The following CYFIP1 variants were observed in gnomAD, a reference collection of about 807,000 sequenced individuals.
The protein encoded by CYFIP1 is cytoplasmic FMR1-interacting protein 1.
In CYFIP1, 58 loss-of-function variants were observed where a neutral mutation model predicts 163.5. The observed-to-expected ratio is 0.35, with a 90% CI of 0.29 to 0.44. The LOEUF is 0.44. CYFIP1 is among the 20% of genes least tolerant of loss of function. CYFIP1 has a pLI of 1.00. For synonymous variants in CYFIP1, 663 were observed against 660.7 expected (o/e 1.00, Z -0.05); for missense variants, 1,338 against 1,653.8 (o/e 0.81, Z 3.31).
intron 22 of CYFIP1, among the ~76,000 whole-genome samples, chr15:22,893,690 GCA>G (rs2141958122): frequency 6.6e-6 from 1 of 152,292 alleles, no homozygotes; most frequent in African/African-American, 2.4e-5. Context: ...AGGACGTGCT[GCA>G]CAGAGGAGCA....
At chr15:22,939,628 T>C in intron 6 of CYFIP1, 121 bp from the exon 7 acceptor site, 1 of 808,298 alleles carries the variant, frequency 1.2e-6, no homozygotes, top group South Asian at 1.9e-5. Flanking sequence ...TCTGCAGAAA[T>C]GTGGGTCAAT....
chr15:22,912,099 T>C, intron 18 of CYFIP1, 80 bp downstream of exon 18: 1 of 1,286,460 alleles, frequency 7.8e-7, no homozygotes, highest in Non-Finnish European at 1.1e-6. Flanking sequence ...TAAAGAAAGT[T>C]GAATACTTGG....
At position 22,903,370 on chromosome 15, in the gene CYFIP1, C is replaced by T. The variant is rs184161426; in HGVS notation, c.2588+336G>A. ...CACATCACTTCATGCTGTCCATGGG[C>T]GGTGGGTGGGAGGGTGGCTTCCCCA... On this transcript the variant is annotated intron_variant, in intron 22 of 30. Coordinates refer to ENST00000617928, the MANE Select transcript of CYFIP1 (RefSeq NM_014608.6). Among the ~76,000 whole-genome samples the T allele has an allele frequency of 7.7e-5, 11 of 143,582 alleles. No individual in the cohort carries two copies. The South Asian group carries it at 1.0e-3, about 13-fold the overall frequency. 94.2% of individuals were successfully genotyped at this position (143,582 alleles called of 152,430 possible).
At position 22,874,191 on chromosome 15, in the gene CYFIP1, A is replaced by G. The variant is rs189698222; in HGVS notation, c.3210+359T>C. On this transcript the variant is annotated intron_variant, in intron 28 of 30. Coordinates refer to ENST00000617928, the MANE Select transcript of CYFIP1 (RefSeq NM_014608.6). ...TGAGAAACCCTGACTTAGCATAAGC[A>G]GCTGGATCACTGTAGAACTCTACCC... 7.9e-5 allele frequency among the ~76,000 whole-genome samples: 12 copies of G among 152,346 alleles called. No homozygotes were observed. In the East Asian group the frequency reaches 2.1e-3, roughly 27 times the overall value.
chr15:22,881,367 G>A (rs1473860300), intron 25 of CYFIP1, among the ~76,000 whole-genome samples: 7 of 152,230 alleles, frequency 4.6e-5, no homozygotes, highest in Non-Finnish European at 1.5e-5. Context: ...GATCACTAAA[G>A]CTATTTATTT....
chr15:22,881,913 G>A lies in CYFIP1; in HGVS notation c.2844C>T (p.Tyr948=), dbSNP rs142271563. Residue 948 remains tyrosine, a synonymous_variant, in exon 25 of 31, where the codon TAC becomes TAT. Coordinates refer to ENST00000617928, the MANE Select transcript of CYFIP1 (RefSeq NM_014608.6). ...KSLLQGTILQ[Y]VKTLMEVMPK... ...GCATCACCTCCATCAGCGTCTTCAC[G>A]TACTGCAGGATTGTGCCTTGCAGCT... 1.9e-5 allele frequency: 30 copies of A among 1,612,396 alleles called. No homozygotes were observed. Among genetic ancestry groups the A allele is most frequent in the African/African-American group, 1.1e-4 (8 of 74,922 alleles).
chr15:22,976,461 T>G (rs1951990928), intron 1 of CYFIP1, among the ~76,000 whole-genome samples: 1 of 151,808 alleles, frequency 6.6e-6, no homozygotes, highest in South Asian at 2.1e-4. Flanking sequence ...CAGCCAAATT[T>G]AACTTTCTAA....
chr15:22,957,396 G>C (rs1381688705), intron 1 of CYFIP1, among the ~76,000 whole-genome samples: 2 of 152,140 alleles, frequency 1.3e-5, no homozygotes, highest in Non-Finnish European at 2.9e-5. Context: ...CAGCACTTTG[G>C]GAGGCCGAGG....
At chr15:22,938,363 C>T (rs754091829) in intron 8 of CYFIP1, among the ~76,000 whole-genome samples, 2 of 151,996 alleles carry the variant, frequency 1.3e-5, no homozygotes, top group African/African-American at 4.8e-5. Flanking sequence ...TAGCACTTTG[C>T]GGGGGACAAG....
Position 22,870,066 on chromosome 15 carries a change from A to G in CYFIP1, c.3724T>C (p.Phe1242Leu). The part of the protein sequence containing the change: ...EGTPVEHVRC[F>L]QPPIHQSLAS... Reference sequence around the variant, plus strand: ...AGGGACTGGTGGATGGGCGGCTGGAAGCAGCGCACATGCTCCACTGGCGTG... The same window carrying G: ...AGGGACTGGTGGATGGGCGGCTGGAGGCAGCGCACATGCTCCACTGGCGTG... Residue 1242 changes from phenylalanine to leucine, a missense_variant, in exon 31 of 31, where the codon TTC becomes CTC. Around this residue, in one of 4 missense-constraint regions of CYFIP1, gnomAD observed 306 missense variants for 322.1 expected, o/e 0.95. Coordinates refer to ENST00000617928, the MANE Select transcript of CYFIP1 (RefSeq NM_014608.6). The G allele has an allele frequency of 6.2e-7, 1 of 1,610,740 alleles. No individual in the cohort carries two copies.
chr15:22,872,939 G>A lies in CYFIP1; in HGVS notation c.3483C>T (p.Gly1161=). Residue 1161 remains glycine (G), a synonymous_variant, in exon 30 of 31, where the codon GGC becomes GGT. Coordinates refer to ENST00000617928, the MANE Select transcript of CYFIP1 (RefSeq NM_014608.6). ...GCCCAAGAAGTACGATGATCATACA[G>A]CCAGCCCAGTGTAGCCCATCACCAA... ...QCFGDGLHWA[G]CMIIVLLGQQ... is the part of the protein sequence containing the mutation. 1 of 1,614,062 alleles carries A rather than the reference G, an allele frequency of 6.2e-7. No homozygotes were observed. Among genetic ancestry groups the A allele is most frequent in the South Asian group, 1.1e-5 (1 of 91,082 alleles).
At chr15:22,875,065 C>T in intron 27 of CYFIP1, 134 bp downstream of exon 27, 1 of 757,266 alleles carries the variant, frequency 1.3e-6, no homozygotes, top group Non-Finnish European at 2.3e-6. Context: ...GTACACTCCT[C>T]ATTACCCCTG....
intron 1 of CYFIP1, among the ~76,000 whole-genome samples, chr15:22,961,742 C>G (rs2062688829): frequency 6.6e-6 from 1 of 151,988 alleles, no homozygotes; most frequent in African/African-American, 2.4e-5. Flanking sequence ...TTTTAAAATC[C>G]TTGGAATCTT....
chr15:22,894,908 T>G (rs1185383522), intron 22 of CYFIP1, among the ~76,000 whole-genome samples: 1 of 147,488 alleles, frequency 6.8e-6, no homozygotes, highest in Admixed American at 6.8e-5. Context: ...CACACTGGAG[T>G]GCAGTGGTGT....
At chr15:22,935,356 T>A (rs549394503) in intron 9 of CYFIP1, among the ~76,000 whole-genome samples, 39 of 152,258 alleles carry the variant, frequency 2.6e-4, no homozygotes, top group African/African-American at 9.4e-4. Context: ...CAGGCCCAAC[T>A]GGGAAGCCAT....
rs763165196 is a variant in CYFIP1, at chr15:22,870,009, C to CG, written c.*18dup. On this transcript the variant is annotated 3_prime_UTR_variant, in exon 31 of 31. Coordinates refer to ENST00000617928, the MANE Select transcript of CYFIP1 (RefSeq NM_014608.6). ...GAGAAAGGCATGCCATGTTGAGTTA[C>CG]GGAGTGCAGCGCGTGCCCTCAGCTG... 3 of 1,559,690 alleles carry CG rather than the reference C, an allele frequency of 1.9e-6. No homozygotes were observed. Among genetic ancestry groups the CG allele is most frequent in the Non-Finnish European group, 2.6e-6 (3 of 1,158,912 alleles).
At chr15:22,933,071 A>G (rs2061589849) in intron 10 of CYFIP1, among the ~76,000 whole-genome samples, 4 of 152,028 alleles carry the variant, frequency 2.6e-5, no homozygotes, top group Admixed American at 2.6e-4. Context: ...TGAGTTCAAG[A>G]GATCCATCCA....
chr15:22,892,925 G>A lies in CYFIP1; in HGVS notation c.2641C>T (p.Pro881Ser). The A allele has an allele frequency of 1.9e-6, 3 of 1,613,686 alleles. No individual in the cohort carries two copies. Among genetic ancestry groups the A allele is most frequent in the Non-Finnish European group, 2.5e-6 (3 of 1,179,686 alleles). Reference sequence around the variant, plus strand: ...TGCAGATACTGAGGCTGTGCATTAGGCTGCTTATCTCTTTGAAATTCCTGA... The same window carrying A: ...TGCAGATACTGAGGCTGTGCATTAGACTGCTTATCTCTTTGAAATTCCTGA... ...FSQEFQRDKQ[P>S]NAQPQYLHGS... is the part of the protein sequence containing the mutation. The change falls in exon 23 of 31, where the codon CCT becomes TCT. Residue 881 changes from proline (P) to serine (S), a missense_variant. By Grantham distance (74) the Pro-to-Ser change is moderately conservative. Coordinates refer to ENST00000617928, the MANE Select transcript of CYFIP1 (RefSeq NM_014608.6).
Position 22,918,673 on chromosome 15 carries a change from G to C in CYFIP1, c.1526+19C>G. ...AGGACGTGTGGGCACAGCGGGCACA[G>C]GGCGTGGGGAAGGCTGACCTCTGGA... On this transcript the variant is annotated intron_variant, in intron 14 of 30. Transcript: ENST00000617928. The C allele has an allele frequency of 6.4e-7, 1 of 1,567,028 alleles. No homozygotes were observed.
Sources: allele counts gnomAD v4.1 joint callset (sites outside exome capture counted in the v4.1 genomes callset), GRCh38; gene constraint gnomAD v4.1.1; regional missense constraint gnomAD v4.1.1; transcripts MANE v1.5; gene names NCBI Gene and HGNC (gene_info 2026-07-23, HGNC 2026-07-21).